LRRC4C: variants seen among roughly 807,000 people sequenced by gnomAD.
LRRC4C encodes the protein leucine-rich repeat-containing protein 4C.
A neutral mutation model predicts 33.6 loss-of-function variants in LRRC4C; 5 were observed. That is an observed-to-expected ratio of 0.15 (90% CI 0.08 to 0.31). LRRC4C has a LOEUF of 0.31. LRRC4C is among the 10% of genes least tolerant of loss of function. The probability of loss-of-function intolerance (pLI) is 1.00; values close to 1 mark genes in which losing one functional copy is unlikely to be tolerated. For missense variants in LRRC4C, 560 were observed against 796.7 expected (o/e 0.70, Z 3.58); for synonymous variants, 329 against 302.0 (o/e 1.09, Z -0.93).
intron 1 of LRRC4C, among the ~76,000 whole-genome samples, chr11:41,150,334 A>G (rs1943933535): frequency 6.6e-6 from 1 of 152,220 alleles, no homozygotes; most frequent in African/African-American, 2.4e-5. Context: ...AGAAAGTGAA[A>G]CATTCATTTC....
intron 2 of LRRC4C, among the ~76,000 whole-genome samples, chr11:40,902,586 G>T (rs1279012452): frequency 6.6e-6 from 1 of 152,116 alleles, no homozygotes; most frequent in African/African-American, 2.4e-5. Context: ...GACCTCTTGT[G>T]CCAAATATTT....
chr11:40,758,201 T>C (rs1198647117), intron 2 of LRRC4C, among the ~76,000 whole-genome samples: 1 of 152,068 alleles, frequency 6.6e-6, no homozygotes, highest in Non-Finnish European at 1.5e-5. Context: ...AGATAAATTA[T>C]ATGGGATGCT....
chr11:40,473,428 A>C (rs1953045024), intron 3 of LRRC4C, among the ~76,000 whole-genome samples: 1 of 152,114 alleles, frequency 6.6e-6, no homozygotes, highest in Non-Finnish European at 1.5e-5. Flanking sequence ...CTCTCAATAA[A>C]CTTGGTATTG....
intron 6 of LRRC4C, among the ~76,000 whole-genome samples, chr11:40,139,128 G>A (rs915904679): frequency 3.9e-5 from 6 of 152,116 alleles, no homozygotes; most frequent in South Asian, 4.1e-4. Context: ...AAGAGGAGGC[G>A]GCGAGAACTG....
At chr11:40,251,654 T>C (rs1866794568) in intron 4 of LRRC4C, among the ~76,000 whole-genome samples, 1 of 152,214 alleles carries the variant, frequency 6.6e-6, no homozygotes, top group Non-Finnish European at 1.5e-5. Flanking sequence ...CACCTTCACC[T>C]AAACTAGCAC....
At chr11:40,861,244 C>T (rs117654958) in intron 2 of LRRC4C, among the ~76,000 whole-genome samples, 1,619 of 152,048 alleles carry the variant, frequency 0.011, 13 homozygotes, top group Non-Finnish European at 0.016. Context: ...ATTTTGAGAT[C>T]CTCAGATATG....
intron 3 of LRRC4C, among the ~76,000 whole-genome samples, chr11:40,540,599 G>A (rs1956667258): frequency 6.6e-6 from 1 of 151,970 alleles, no homozygotes; most frequent in Admixed American, 6.6e-5. Flanking sequence ...ATTTAGGTAA[G>A]GGAAGAGTAT....
chr11:40,329,552 G>A (rs1946254258), intron 3 of LRRC4C, among the ~76,000 whole-genome samples: 2 of 152,174 alleles, frequency 1.3e-5, no homozygotes, highest in East Asian at 1.9e-4. Flanking sequence ...TATAGAACAG[G>A]AACCAAAGGT....
chr11:40,964,042 G>T (rs540447598), intron 1 of LRRC4C, among the ~76,000 whole-genome samples: 8 of 151,034 alleles, frequency 5.3e-5, no homozygotes, highest in Non-Finnish European at 1.2e-4. Flanking sequence ...TTTCCCACCT[G>T]CCAATAAGAG....
Position 41,250,311 on chromosome 11 carries a change from G to C in LRRC4C, c.-496+209120C>G, listed in dbSNP as rs577848863. Among the ~76,000 whole-genome samples, 11 of 152,262 alleles carry C rather than the reference G, an allele frequency of 7.2e-5. No homozygotes were observed. The Middle Eastern group carries it at 0.01, about 141-fold the overall frequency. ...AACTTTCCTCTACCTGATTTAGAAG[G>C]ATATTTTAAAAGTCATTAGGAATGA... On this transcript the variant is annotated intron_variant, in intron 1 of 6. Coordinates refer to ENST00000528697, the MANE Select transcript of LRRC4C (RefSeq NM_001258419.2).
chr11:41,187,174 T>C (rs1446735955), intron 1 of LRRC4C, among the ~76,000 whole-genome samples: 1 of 152,200 alleles, frequency 6.6e-6, no homozygotes, highest in African/African-American at 2.4e-5. Context: ...CCCAGGCCTG[T>C]GCCCAGGGAC....
At chr11:40,393,271 C>T (rs1949407484) in intron 3 of LRRC4C, among the ~76,000 whole-genome samples, 1 of 152,106 alleles carries the variant, frequency 6.6e-6, no homozygotes, top group African/African-American at 2.4e-5. Context: ...ATCCTACGTA[C>T]ATGCTTGTCT....
intron 2 of LRRC4C, among the ~76,000 whole-genome samples, chr11:40,696,792 A>ATATATATATAT: frequency 1.4e-5 from 2 of 145,706 alleles, no homozygotes; most frequent in African/African-American, 5.1e-5. Context: ...ATATATATAT[A>ATATATATATAT]CTCATTCACC....
chr11:41,202,889 G>T (rs138394474), intron 1 of LRRC4C, among the ~76,000 whole-genome samples: 12 of 151,878 alleles, frequency 7.9e-5, no homozygotes, highest in Admixed American at 2.6e-4. Flanking sequence ...GGGTCCAAGC[G>T]ATTCTCCTGC....
intron 2 of LRRC4C, among the ~76,000 whole-genome samples, chr11:40,758,448 G>A (rs1949047582): frequency 6.6e-6 from 1 of 152,026 alleles, no homozygotes; most frequent in African/African-American, 2.4e-5. Context: ...ATTGACTGAA[G>A]AAATAGATTC....
At chr11:40,683,358 A>C (rs1591456163) in intron 2 of LRRC4C, among the ~76,000 whole-genome samples, 1 of 152,200 alleles carries the variant, frequency 6.6e-6, no homozygotes, top group African/African-American at 2.4e-5. Flanking sequence ...CGTATGTTCA[A>C]GTATTGAAAT....
intron 3 of LRRC4C, among the ~76,000 whole-genome samples, chr11:40,426,329 A>G (rs1199542982): frequency 1.3e-5 from 2 of 151,410 alleles, no homozygotes; most frequent in African/African-American, 4.9e-5. Flanking sequence ...AGTTACTTCT[A>G]TGGCCTCCTA....
intron 3 of LRRC4C, among the ~76,000 whole-genome samples, chr11:40,453,190 G>T (rs535984200): frequency 6.7e-6 from 1 of 150,270 alleles, no homozygotes; most frequent in Non-Finnish European, 1.5e-5. Context: ...ATAAAAAAAT[G>T]TTGATTGGAA....
At chr11:40,277,720 C>T (rs1943213196) in intron 4 of LRRC4C, among the ~76,000 whole-genome samples, 1 of 151,894 alleles carries the variant, frequency 6.6e-6, no homozygotes, top group South Asian at 2.1e-4. Flanking sequence ...TTTGAGCTTC[C>T]CTTTCTCACC....
Sources: gnomAD v4.1 joint callset for allele counts (sites outside exome capture counted in the v4.1 genomes callset) on GRCh38, gnomAD v4.1.1 for gene constraint, MANE v1.5 for transcripts, NCBI Gene and HGNC (gene_info 2026-07-23, HGNC 2026-07-21) for gene names.